EBF2: variants seen among roughly 807,000 people sequenced by gnomAD.
The protein encoded by EBF2 is transcription factor COE2.
Under a neutral mutation model 72.8 loss-of-function variants are expected in EBF2, and 21 were observed. The ratio of observed to expected loss-of-function variants is 0.29; its 90% CI spans 0.20 to 0.42. The LOEUF (loss-of-function observed/expected upper bound fraction) is 0.42, where lower values mean the gene tolerates loss of function less well. Among genes scored for constraint, EBF2 ranks in the 10% least tolerant of loss-of-function variants. EBF2 has a pLI of 1.00. For missense variants in EBF2, 637 were observed against 731.2 expected (o/e 0.87, Z 1.49); for synonymous variants, 299 against 274.2 (o/e 1.09, Z -0.89).
chr8:25,933,743 G>A (rs1803521554), intron 6 of EBF2, among the ~76,000 whole-genome samples: 1 of 152,026 alleles, frequency 6.6e-6, no homozygotes, highest in Non-Finnish European at 1.5e-5. Flanking sequence ...TTTAAATTAT[G>A]TTATAGAATA....
chr8:25,986,168 C>CTTA, intron 6 of EBF2, among the ~76,000 whole-genome samples: 1 of 152,022 alleles, frequency 6.6e-6, no homozygotes, highest in East Asian at 1.9e-4. Flanking sequence ...CTTCTTGAAG[C>CTTA]TTATGGTTCA....
At chr8:25,893,861 A>C (rs1802823946) in intron 7 of EBF2, among the ~76,000 whole-genome samples, 1 of 152,196 alleles carries the variant, frequency 6.6e-6, no homozygotes, top group African/African-American at 2.4e-5. Context: ...GATGCACTTC[A>C]TTATTTTCTA....
rs574253582 is a variant in EBF2 at position 25,924,330 on chromosome 8, C to T, written c.552-15775G>A. On this transcript the variant is annotated intron_variant, in intron 6 of 15. Coordinates refer to ENST00000520164, the MANE Select transcript of EBF2 (RefSeq NM_022659.4). ...CGTAAAATCAGCCTCTGGTAAGTAA[C>T]CATGACACACTTAGCAATTGTCTTC... 6.6e-5 allele frequency among the ~76,000 whole-genome samples: 10 copies of T among 152,304 alleles called. No homozygotes were observed. The South Asian group carries it at 2.1e-3, about 32-fold the overall frequency.
intron 6 of EBF2, among the ~76,000 whole-genome samples, chr8:26,030,951 A>G (rs895697969): frequency 8.5e-5 from 13 of 152,250 alleles, no homozygotes; most frequent in Admixed American, 1.3e-4. Context: ...TGTGTGTTAC[A>G]TAGGAAGAAA....
chr8:25,915,242 T>C (rs1434625113), intron 6 of EBF2, among the ~76,000 whole-genome samples: 1 of 151,764 alleles, frequency 6.6e-6, no homozygotes, highest in Non-Finnish European at 1.5e-5. Flanking sequence ...GTCTGACTCT[T>C]AGCAAAATGC....
chr8:25,860,300 C>A (rs1260497816), intron 13 of EBF2, among the ~76,000 whole-genome samples: 1 of 152,006 alleles, frequency 6.6e-6, no homozygotes, highest in African/African-American at 2.4e-5. Context: ...CAAATAAAAC[C>A]AAGCCATTCA....
chr8:25,858,650 G>GT, intron 13 of EBF2, 146 bp from the exon 14 acceptor site: 5 of 224,256 alleles, frequency 2.2e-5, no homozygotes, highest in South Asian at 1.5e-4. Context: ...TCCATCTTTA[G>GT]CTTTTTTTTT....
chr8:25,870,627 T>C (rs1802420656), intron 10 of EBF2, among the ~76,000 whole-genome samples: 2 of 152,124 alleles, frequency 1.3e-5, no homozygotes, highest in Non-Finnish European at 2.9e-5. Flanking sequence ...ATCACGCATT[T>C]GCACCCATTG....
At chr8:25,903,831 A>G (rs1802993972) in intron 7 of EBF2, among the ~76,000 whole-genome samples, 1 of 152,216 alleles carries the variant, frequency 6.6e-6, no homozygotes, top group African/African-American at 2.4e-5. Flanking sequence ...GAGGGAATGA[A>G]TCAGGGAACA....
intron 6 of EBF2, among the ~76,000 whole-genome samples, chr8:25,964,354 G>A (rs1804081679): frequency 6.6e-6 from 1 of 152,090 alleles, no homozygotes; most frequent in South Asian, 2.1e-4. Context: ...ATACGTTTAG[G>A]ATTGGTTTTC....
chr8:26,000,687 G>C (rs970544844), intron 6 of EBF2, among the ~76,000 whole-genome samples: 1 of 152,156 alleles, frequency 6.6e-6, no homozygotes, highest in Admixed American at 6.5e-5. Context: ...CTGGGATCAA[G>C]GGATAACGCA....
chr8:26,042,226 A>C lies in EBF2; in HGVS notation c.157T>G (p.Phe53Val), dbSNP rs1805613379. The change falls in exon 2 of 16, where the codon TTT (phenylalanine) becomes GTT (valine). Residue 53 changes from phenylalanine to valine, a missense_variant. Coordinates refer to ENST00000520164, the MANE Select transcript of EBF2 (RefSeq NM_022659.4). Reference protein sequence around the residue: ...QSGVALSRAHFEKQPPSNLRK... With the variant: ...QSGVALSRAHVEKQPPSNLRK... ...AAGTTGGAAGGAGGCTGTTTCTCAA[A>C]GTGGGCCCGGGACAGGGCGACCCCG... The C allele has an allele frequency of 3.1e-6, 5 of 1,614,076 alleles. No individual in the cohort carries two copies. The East Asian group carries it at 1.1e-4, about 36-fold the overall frequency.
At chr8:25,927,001 G>A (rs560205258) in intron 6 of EBF2, among the ~76,000 whole-genome samples, 11 of 152,160 alleles carry the variant, frequency 7.2e-5, no homozygotes, top group African/African-American at 1.9e-4. Flanking sequence ...TGTCAACATG[G>A]CTGGGTTCTA....
chr8:26,007,918 A>G (rs780452423), intron 6 of EBF2, among the ~76,000 whole-genome samples: 2 of 152,036 alleles, frequency 1.3e-5, no homozygotes, highest in Non-Finnish European at 2.9e-5. Flanking sequence ...AAAAAATAAT[A>G]ATTTTATCTC....
chr8:26,019,264 G>A (rs1017383241), intron 6 of EBF2, among the ~76,000 whole-genome samples: 1 of 151,368 alleles, frequency 6.6e-6, no homozygotes, highest in South Asian at 2.1e-4. Flanking sequence ...TGATAATTTT[G>A]CTCAGCTGGT....
intron 6 of EBF2, among the ~76,000 whole-genome samples, chr8:26,018,062 G>T (rs2117241345): frequency 6.6e-6 from 1 of 151,768 alleles, no homozygotes; most frequent in East Asian, 1.9e-4. Flanking sequence ...TTACAGCAAA[G>T]ATTCAAACAA....
intron 14 of EBF2, among the ~76,000 whole-genome samples, chr8:25,853,762 C>T (rs952739348): frequency 2.0e-5 from 3 of 151,800 alleles, no homozygotes; most frequent in Non-Finnish European, 4.4e-5. Flanking sequence ...TATATTTAGC[C>T]TATACAATAG....
rs1164591597 is a variant in EBF2 at position 26,023,589 on chromosome 8, CT to C, written c.551+9495del. ...TTTCTCCCTCTTTTCTAAAGAATTA[CT>C]TATAAATGGTTTGGATTCTGGCCTG... is the stretch of plus-strand genomic sequence containing the variant. On this transcript the variant is annotated intron_variant, in intron 6 of 15. Coordinates refer to ENST00000520164, the MANE Select transcript of EBF2 (RefSeq NM_022659.4). 1.4e-4 allele frequency among the ~76,000 whole-genome samples: 22 copies of C among 152,268 alleles called. No homozygotes were observed. The South Asian group carries it at 4.6e-3, about 32-fold the overall frequency.
At chr8:25,901,092 C>G (rs1298349751) in intron 7 of EBF2, among the ~76,000 whole-genome samples, 1 of 152,010 alleles carries the variant, frequency 6.6e-6, no homozygotes, top group Non-Finnish European at 1.5e-5. Context: ...ATTGCATGTA[C>G]CCCATAAAGA....
Sources: allele counts gnomAD v4.1 joint callset (sites outside exome capture counted in the v4.1 genomes callset), GRCh38; gene constraint gnomAD v4.1.1; transcripts MANE v1.5; gene names NCBI Gene and HGNC (gene_info 2026-07-23, HGNC 2026-07-21).